PCDH15: variants seen among roughly 807,000 people sequenced by gnomAD.
PCDH15 encodes protocadherin related 15.
PCDH15 carries 129 observed loss-of-function variants against 178.5 expected under a neutral mutation model. The ratio of observed to expected loss-of-function variants is 0.72; its 90% CI spans 0.63 to 0.84. PCDH15 has a LOEUF of 0.84. PCDH15 is among the 40% of genes least tolerant of loss of function. PCDH15 has a pLI of 0.00. For missense variants in PCDH15, 2,230 were observed against 2,099.9 expected, an observed-to-expected ratio of 1.06 and a Z score of -1.21; for synonymous variants, 800 against 732.0, an observed-to-expected ratio of 1.09 and a Z score of -1.50.
At chr10:53,812,333 G>A (rs999468652) in intron 35 of PCDH15, among the ~76,000 whole-genome samples, 1 of 151,690 alleles carries the variant, frequency 6.6e-6, no homozygotes, top group African/African-American at 2.4e-5. Context: ...TCAGCCTCCC[G>A]AGTAGCTGGG....
intron 1 of PCDH15, among the ~76,000 whole-genome samples, chr10:55,196,347 T>C (rs1591981896): frequency 6.6e-6 from 1 of 152,146 alleles, no homozygotes; most frequent in African/African-American, 2.4e-5. Context: ...CCCATGAAGT[T>C]GACACCACTT....
chr10:54,928,519 T>G (rs746549777), intron 2 of PCDH15, among the ~76,000 whole-genome samples: 4 of 152,192 alleles, frequency 2.6e-5, no homozygotes, highest in Non-Finnish European at 5.9e-5. Context: ...ATAGATGATA[T>G]GCTGAACTAT....
intron 2 of PCDH15, chr10:54,585,659 G>A (rs2091409522): frequency 4.4e-5 from 7 of 159,726 alleles, no homozygotes; most frequent in South Asian, 1.7e-4. Context: ...AGGCGGTGAG[G>A]ACTGTGCAAT....
chr10:54,926,800 C>T (rs7073938), intron 2 of PCDH15, among the ~76,000 whole-genome samples: 37,334 of 151,866 alleles, frequency 0.25, 5,378 homozygotes, highest in Non-Finnish European at 0.33. Context: ...CTGGTAATAT[C>T]CCATTGTTGT....
chr10:55,494,302 AT>A (rs1377560699), intron 2 of PCDH15, among the ~76,000 whole-genome samples: 2 of 151,560 alleles, frequency 1.3e-5, no homozygotes, highest in African/African-American at 4.8e-5. Context: ...CTCCTTTATA[AT>A]TTTTTGTTTT....
intron 14 of PCDH15, among the ~76,000 whole-genome samples, chr10:54,146,701 T>C (rs1018937107): frequency 2.0e-5 from 3 of 151,340 alleles, no homozygotes; most frequent in African/African-American, 2.4e-5. Context: ...TTCATTCATA[T>C]TGGACTTATT....
chr10:55,057,164 C>T lies in PCDH15; in HGVS notation c.-80+109412G>A, dbSNP rs374816332. Reference sequence around the variant, plus strand: ...GCCTACACTGTAGAGACTCCTGGGTCCAACCAAAATCTCAGACAACTTTTT... The same window carrying T: ...GCCTACACTGTAGAGACTCCTGGGTTCAACCAAAATCTCAGACAACTTTTT... On this transcript the variant is annotated intron_variant, in intron 2 of 5. Transcript: ENST00000458638. Among the ~76,000 whole-genome samples the T allele has an allele frequency of 2.4e-4, 37 of 152,182 alleles. No individual in the cohort carries two copies. In the East Asian group the frequency reaches 5.0e-3, roughly 21 times the overall value.
At chr10:54,754,965 T>TG (rs1946869014) in intron 1 of PCDH15, among the ~76,000 whole-genome samples, 3 of 94,064 alleles carry the variant, frequency 3.2e-5, no homozygotes, top group South Asian at 3.2e-4. Context: ...TTTTTTTTTT[T>TG]TGGGAGACAG....
chr10:55,329,178 T>C (rs1253461000), intron 2 of PCDH15, among the ~76,000 whole-genome samples: 3 of 146,280 alleles, frequency 2.1e-5, no homozygotes, highest in South Asian at 2.1e-4. Flanking sequence ...GTGAGGACAC[T>C]TGGGGTCCCC....
intron 2 of PCDH15, among the ~76,000 whole-genome samples, chr10:55,326,157 T>G (rs1001729690): frequency 1.3e-5 from 2 of 152,106 alleles, no homozygotes; most frequent in African/African-American, 4.8e-5. Context: ...CATTCAGCCT[T>G]TACAGAAATC....
intron 28 of PCDH15, among the ~76,000 whole-genome samples, chr10:53,856,183 C>G (rs951441060): frequency 1.3e-5 from 2 of 151,076 alleles, no homozygotes; most frequent in African/African-American, 4.9e-5. Flanking sequence ...GTGTACACTG[C>G]TTGTGTGCAC....
intron 10 of PCDH15, among the ~76,000 whole-genome samples, chr10:54,199,988 C>T (rs1182492396): frequency 6.6e-6 from 1 of 151,996 alleles, no homozygotes; most frequent in Admixed American, 6.6e-5. Flanking sequence ...TTGAAAAAGA[C>T]AAACCACTCC....
At chr10:55,589,098 A>AAAAG (rs1564469096) in intron 2 of PCDH15, among the ~76,000 whole-genome samples, 4 of 151,312 alleles carry the variant, frequency 2.6e-5, no homozygotes, top group African/African-American at 9.7e-5. Flanking sequence ...AAAAAAAAAA[A>AAAAG]AAAGAAAGAA....
chr10:54,719,617 G>T (rs1394911358), intron 1 of PCDH15, among the ~76,000 whole-genome samples: 1 of 151,898 alleles, frequency 6.6e-6, no homozygotes, highest in Admixed American at 6.6e-5. Context: ...TTATCAACCT[G>T]TTATCTAGGT....
At chr10:55,235,898 C>T (rs1301415238) in intron 1 of PCDH15, among the ~76,000 whole-genome samples, 2 of 125,430 alleles carry the variant, frequency 1.6e-5, no homozygotes, top group African/African-American at 6.1e-5. Flanking sequence ...CAGAGCGAGA[C>T]TCCATGTCAA....
intron 2 of PCDH15, among the ~76,000 whole-genome samples, chr10:55,536,100 T>C (rs1841573113): frequency 6.6e-6 from 1 of 152,114 alleles, no homozygotes; most frequent in African/African-American, 2.4e-5. Flanking sequence ...AATTGATTAC[T>C]AGGTTTCACC....
At chr10:55,595,034 G>A (rs1223817101) in intron 2 of PCDH15, among the ~76,000 whole-genome samples, 3 of 151,844 alleles carry the variant, frequency 2.0e-5, no homozygotes, top group Non-Finnish European at 4.4e-5. Context: ...TATCACCCAT[G>A]GATAATTAAT....
chr10:53,937,082 A>ACT (rs2085644181), intron 25 of PCDH15, among the ~76,000 whole-genome samples: 1 of 152,160 alleles, frequency 6.6e-6, no homozygotes, highest in Non-Finnish European at 1.5e-5. Flanking sequence ...TGACAGGATA[A>ACT]TTCAGGAATT....
chr10:54,153,115 G>C lies in PCDH15; in HGVS notation c.1769C>G (p.Pro590Arg), dbSNP rs901573182. 1 of 1,613,660 alleles carries C rather than the reference G, an allele frequency of 6.2e-7. No individual in the cohort carries two copies. The highest frequency in any genetic ancestry group is 8.5e-7 in the Non-Finnish European group (1 of 1,179,828). Residue 590 changes from proline to arginine, a missense_variant, in exon 14 of 38, where the codon CCT becomes CGT. By Grantham distance (103) the Pro-to-Arg change is moderately radical. Transcript: ENST00000644397. ...ALTVQAADNA[P>R]PAERRNSICT... ...TATAAATTACCTTCGCTCTGCAGGA[G>C]GAGCATTATCCGCTGCTTGGACCGT...
Sources: gnomAD v4.1 joint callset for allele counts (sites outside exome capture counted in the v4.1 genomes callset) on GRCh38, gnomAD v4.1.1 for gene constraint, MANE v1.5 for transcripts, NCBI Gene and HGNC (gene_info 2026-07-23, HGNC 2026-07-21) for gene names.